Variants in PIK3CB observed in about 807,000 individuals in gnomAD.
PIK3CB encodes phosphatidylinositol 4,5-bisphosphate 3-kinase catalytic subunit beta isoform.
Under a neutral mutation model 136.8 loss-of-function variants are expected in PIK3CB, and 39 were observed. That is an observed-to-expected ratio of 0.29 (90% CI 0.22 to 0.37). The LOEUF is 0.37. Among genes scored for constraint, PIK3CB ranks in the 10% least tolerant of loss-of-function variants. The pLI is 1.00. For synonymous variants in PIK3CB, 428 were observed against 436.6 expected, an observed-to-expected ratio of 0.98 and a Z score of 0.25; for missense variants, 868 against 1,275.4, an observed-to-expected ratio of 0.68 and a Z score of 4.87.
At chr3:138,726,302 T>C (rs2044835406) in intron 8 of PIK3CB, among the ~76,000 whole-genome samples, 1 of 152,258 alleles carries the variant, frequency 6.6e-6, no homozygotes, top group Non-Finnish European at 1.5e-5. Context: ...TATTTTTTAG[T>C]AGGCTGGGGT....
intron 1 of PIK3CB, among the ~76,000 whole-genome samples, chr3:138,797,906 T>C (rs1395359283): frequency 6.6e-6 from 1 of 151,590 alleles, no homozygotes; most frequent in Non-Finnish European, 1.5e-5. Context: ...TGAACCAAGA[T>C]CACACCACTG....
At chr3:138,825,597 T>C (rs912757317) in intron 1 of PIK3CB, 9 of 623,924 alleles carry the variant, frequency 1.4e-5, no homozygotes, top group African/African-American at 1.1e-4. Flanking sequence ...AAGTCACCCA[T>C]AAAGATGGCA....
intron 2 of PIK3CB, among the ~76,000 whole-genome samples, chr3:138,760,597 T>C (rs2045650612): frequency 6.6e-6 from 1 of 152,164 alleles, no homozygotes; most frequent in African/African-American, 2.4e-5. Context: ...ATGCCATTAA[T>C]GAAAGTGTCA....
chr3:138,723,680 G>A (rs773315794), intron 8 of PIK3CB, among the ~76,000 whole-genome samples: 7 of 152,186 alleles, frequency 4.6e-5, no homozygotes, highest in Non-Finnish European at 1.0e-4. Context: ...GCTTTGACAT[G>A]CAAAGGACTT....
rs568523445 is a variant in PIK3CB at position 138,652,703 on chromosome 3, A to G, written c.*2686T>C. 1 of 206,716 alleles carries G rather than the reference A, an allele frequency of 4.8e-6. No individual in the cohort carries two copies. Among genetic ancestry groups the G allele is most frequent in the Non-Finnish European group, 9.9e-6 (1 of 101,482 alleles). 12.8% of individuals were successfully genotyped at this position (206,716 alleles called of 1,614,324 possible). ...TATTTGATAGCACAACAGAGTAACTATAGTCGATAATTTAATTATAGATCT... is the reference window on the plus strand; with the variant it reads ...TATTTGATAGCACAACAGAGTAACTGTAGTCGATAATTTAATTATAGATCT... On this transcript the variant is annotated 3_prime_UTR_variant, in exon 24 of 24. Coordinates refer to ENST00000674063, the MANE Select transcript of PIK3CB (RefSeq NM_006219.3).
intron 11 of PIK3CB, among the ~76,000 whole-genome samples, chr3:138,704,804 A>G (rs977311352): frequency 6.6e-6 from 1 of 152,176 alleles, no homozygotes; most frequent in African/African-American, 2.4e-5. Context: ...TATTCTAGTT[A>G]AGAAGACACA....
At chr3:138,717,291 A>C (rs970175653) in intron 8 of PIK3CB, among the ~76,000 whole-genome samples, 1 of 151,856 alleles carries the variant, frequency 6.6e-6, no homozygotes, top group Admixed American at 6.6e-5. Flanking sequence ...TATAGTGGAT[A>C]GCTGGAATAT....
intron 12 of PIK3CB, among the ~76,000 whole-genome samples, 189 bp from the exon 13 acceptor site, chr3:138,699,284 A>G (rs1352109254): frequency 1.3e-5 from 2 of 151,968 alleles, no homozygotes; most frequent in Non-Finnish European, 2.9e-5. Context: ...GAGATTCTTA[A>G]AACAGTTTCT....
At chr3:138,740,190 T>G (rs2045214619) in intron 5 of PIK3CB, among the ~76,000 whole-genome samples, 1 of 152,024 alleles carries the variant, frequency 6.6e-6, no homozygotes, top group Non-Finnish European at 1.5e-5. Flanking sequence ...AAACCCTGCC[T>G]CTACTAAAAA....
rs1413582783 is a variant in PIK3CB at position 138,766,550 on chromosome 3, G to GA, written c.-16-7192dup. 2.6e-5 allele frequency among the ~76,000 whole-genome samples: 4 copies of GA among 152,066 alleles called. No homozygotes were observed. The East Asian group carries it at 7.7e-4, about 29-fold the overall frequency. On this transcript the variant is annotated intron_variant, in intron 2 of 23. Transcript: ENST00000674063. ...TAACAGTTGCCCATGCTTAAAAATA[G>GA]AAAAATCCTTCCTCACTTACAAAGA...
intron 6 of PIK3CB, 63 bp downstream of exon 6, chr3:138,737,644 A>AATATATAT (rs372468230): frequency 3.2e-4 from 147 of 462,950 alleles, no homozygotes; most frequent in African/African-American, 3.4e-4. Context: ...TCAGAAATAA[A>AATATATAT]ATATATATAT....
At chr3:138,806,010 G>A (rs1450704297) in intron 1 of PIK3CB, among the ~76,000 whole-genome samples, 2 of 151,758 alleles carry the variant, frequency 1.3e-5, no homozygotes, top group Non-Finnish European at 2.9e-5. Flanking sequence ...TTACAGGCAT[G>A]AGCCACCGCG....
chr3:138,819,626 CT>C (rs1933472233), intron 1 of PIK3CB, among the ~76,000 whole-genome samples: 1 of 152,130 alleles, frequency 6.6e-6, no homozygotes, highest in Non-Finnish European at 1.5e-5. Context: ...GAGGTATCAT[CT>C]CAAAGATTTT....
At chr3:138,788,781 G>A (rs2046012129) in intron 2 of PIK3CB, among the ~76,000 whole-genome samples, 1 of 151,140 alleles carries the variant, frequency 6.6e-6, no homozygotes, top group Non-Finnish European at 1.5e-5. Context: ...TGGCCAACAT[G>A]GTGAAACCCC....
At position 138,696,300 on chromosome 3, in the gene PIK3CB, A is replaced by T. The variant is rs147579967; in HGVS notation, c.1771-1393T>A. Among the ~76,000 whole-genome samples, 7 of 151,376 alleles carry T rather than the reference A, an allele frequency of 4.6e-5. No individual in the cohort carries two copies. In the East Asian group the frequency reaches 1.4e-3, roughly 30 times the overall value. On this transcript the variant is annotated intron_variant, in intron 13 of 23. Coordinates refer to ENST00000674063, the MANE Select transcript of PIK3CB (RefSeq NM_006219.3). ...TGGGTACAAGCAATCCTCCCAACTCAGCCTCCTGAGTAGCTAGGACTACAG... is the reference window on the plus strand; with the variant it reads ...TGGGTACAAGCAATCCTCCCAACTCTGCCTCCTGAGTAGCTAGGACTACAG...
intron 8 of PIK3CB, among the ~76,000 whole-genome samples, chr3:138,727,980 A>G (rs961085535): frequency 1.3e-5 from 2 of 151,904 alleles, no homozygotes; most frequent in East Asian, 3.9e-4. Context: ...GATGGTCTCG[A>G]TCTCCTGACC....
intron 21 of PIK3CB, among the ~76,000 whole-genome samples, chr3:138,661,825 A>G (rs2043300958): frequency 6.6e-6 from 1 of 152,206 alleles, no homozygotes; most frequent in African/African-American, 2.4e-5. Flanking sequence ...TATGCCTCTA[A>G]TGTGGGAATT....
At chr3:138,695,957 G>T (rs1479481655) in intron 13 of PIK3CB, among the ~76,000 whole-genome samples, 6 of 88,240 alleles carry the variant, frequency 6.8e-5, no homozygotes, top group Middle Eastern at 6.9e-3. Context: ...TTTTTTTTGA[G>T]ATGGGGTTTC....
At chr3:138,685,396 CAAAAA>C (rs398052626) in intron 16 of PIK3CB, among the ~76,000 whole-genome samples, 8 of 58,352 alleles carry the variant, frequency 1.4e-4, no homozygotes, top group African/African-American at 5.9e-4. Flanking sequence ...GAAACTGTCT[CAAAAA>C]AAAAAAAAAA....
Sources: allele counts gnomAD v4.1 joint callset (sites outside exome capture counted in the v4.1 genomes callset), GRCh38; gene constraint gnomAD v4.1.1; transcripts MANE v1.5; gene names NCBI Gene and HGNC (gene_info 2026-07-23, HGNC 2026-07-21).